VAT1L: variants seen among roughly 807,000 people sequenced by gnomAD.
VAT1L encodes putative NADPH-dependent quinone oxidoreductase VAT1L.
Under a neutral mutation model 44.1 loss-of-function variants are expected in VAT1L, and 34 were observed. That is an observed-to-expected ratio of 0.77 (90% confidence interval 0.59 to 1.03). The LOEUF (loss-of-function observed/expected upper bound fraction) is 1.03, where lower values mean the gene tolerates loss of function less well. VAT1L is among the 50% of genes least tolerant of loss of function. The probability of loss-of-function intolerance (pLI) is 0.00; values close to 1 mark genes in which losing one functional copy is unlikely to be tolerated. For synonymous variants in VAT1L, 253 were observed against 202.2 expected, an observed-to-expected ratio of 1.25 and a Z score of -2.13; for missense variants, 615 against 538.8, an observed-to-expected ratio of 1.14 and a Z score of -1.40.
At chr16:77,794,322 C>A (rs538563304) in intron 1 of VAT1L, among the ~76,000 whole-genome samples, 1 of 152,170 alleles carries the variant, frequency 6.6e-6, no homozygotes, top group South Asian at 2.1e-4. Context: ...GTTTATGCAC[C>A]ACATCCATTT....
intron 7 of VAT1L, among the ~76,000 whole-genome samples, chr16:77,970,051 TAAA>T (rs36120858): frequency 0.017 from 1,506 of 86,792 alleles, 39 homozygotes; most frequent in African/African-American, 0.065. Context: ...ACATCTCTAC[TAAA>T]AAAAAAAAAA....
At chr16:77,793,510 G>A (rs953031847) in intron 1 of VAT1L, among the ~76,000 whole-genome samples, 2 of 152,210 alleles carry the variant, frequency 1.3e-5, no homozygotes, top group African/African-American at 4.8e-5. Flanking sequence ...TCACAGTTGA[G>A]TGTCTCTTAG....
intron 7 of VAT1L, among the ~76,000 whole-genome samples, chr16:77,923,615 C>T (rs2017635377): frequency 6.6e-6 from 1 of 152,148 alleles, no homozygotes; most frequent in South Asian, 2.1e-4. Flanking sequence ...TTTTCAGAAG[C>T]CAGCCTCCTG....
chr16:77,953,445 C>T (rs2142526434), intron 7 of VAT1L, among the ~76,000 whole-genome samples: 1 of 152,292 alleles, frequency 6.6e-6, no homozygotes, highest in Admixed American at 6.5e-5. Flanking sequence ...TGTATGCAAA[C>T]AATTGTTTAC....
intron 3 of VAT1L, among the ~76,000 whole-genome samples, chr16:77,857,504 A>C (rs2016871057): frequency 6.6e-6 from 1 of 152,140 alleles, no homozygotes; most frequent in Admixed American, 6.5e-5. Context: ...GATGGAGAAC[A>C]GAAAGGCCGC....
In VAT1L at chr16:77,968,106, C is replaced by G. The variant is rs561540098; in HGVS notation, c.1078-3744C>G. 9.2e-5 allele frequency among the ~76,000 whole-genome samples: 14 copies of G among 152,236 alleles called. No homozygotes were observed. The East Asian group carries it at 2.7e-3, about 29-fold the overall frequency. On this transcript the variant is annotated intron_variant, in intron 7 of 8. Coordinates refer to ENST00000302536, the MANE Select transcript of VAT1L (RefSeq NM_020927.3). Reference sequence around the variant, plus strand: ...ATATATTATCTATTATTGCATTTAACTCCCCCACCCCCAACAAACTTAGAG... The same window carrying G: ...ATATATTATCTATTATTGCATTTAAGTCCCCCACCCCCAACAAACTTAGAG...
At chr16:77,827,754 G>A (rs1029507745) in intron 3 of VAT1L, among the ~76,000 whole-genome samples, 1 of 152,136 alleles carries the variant, frequency 6.6e-6, no homozygotes, top group South Asian at 2.1e-4. Context: ...ACTAACACTG[G>A]TTTTGGGGAC....
chr16:77,942,572 G>A (rs549617535), intron 7 of VAT1L, among the ~76,000 whole-genome samples: 1 of 152,288 alleles, frequency 6.6e-6, no homozygotes, highest in East Asian at 1.9e-4. Flanking sequence ...TGCCTTTGGA[G>A]AAACAGAAAT....
chr16:77,915,505 G>T lies in VAT1L; in HGVS notation c.1077+30703G>T, dbSNP rs971329545. On this transcript the variant is annotated intron_variant, in intron 7 of 8. Transcript: ENST00000302536. ...GCAGTATATGACATTGTTTAGTGTA[G>T]GGAAATGTCACAGAAGGCCTGTGAG... 2.0e-5 allele frequency among the ~76,000 whole-genome samples: 3 copies of T among 152,222 alleles called. No homozygotes were observed. The South Asian group carries it at 6.2e-4, about 31-fold the overall frequency.
chr16:77,960,675 T>C (rs948138880), intron 7 of VAT1L, among the ~76,000 whole-genome samples: 1 of 152,090 alleles, frequency 6.6e-6, no homozygotes, highest in Non-Finnish European at 1.5e-5. Flanking sequence ...GTAGATATAG[T>C]CCATGGGGGA....
intron 7 of VAT1L, among the ~76,000 whole-genome samples, chr16:77,931,512 T>C (rs2017730746): frequency 6.6e-6 from 1 of 152,236 alleles, no homozygotes; most frequent in Non-Finnish European, 1.5e-5. Flanking sequence ...TGTGGTGAAA[T>C]ACTATATTTT....
At chr16:77,791,182 A>G (rs1437663882) in intron 1 of VAT1L, among the ~76,000 whole-genome samples, 3 of 152,214 alleles carry the variant, frequency 2.0e-5, no homozygotes, top group Admixed American at 6.5e-5. Context: ...ATCATTGATT[A>G]TAAGTTTTAG....
intron 7 of VAT1L, among the ~76,000 whole-genome samples, chr16:77,952,686 G>T (rs1052819992): frequency 6.6e-6 from 1 of 151,774 alleles, no homozygotes; most frequent in Non-Finnish European, 1.5e-5. Context: ...GCAAAACCCT[G>T]TATCTATTAA....
chr16:77,941,990 A>G (rs1270660868), intron 7 of VAT1L, among the ~76,000 whole-genome samples: 1 of 152,060 alleles, frequency 6.6e-6, no homozygotes, highest in Non-Finnish European at 1.5e-5. Flanking sequence ...TTATTTTTTT[A>G]CTTTTTAATA....
intron 7 of VAT1L, among the ~76,000 whole-genome samples, chr16:77,933,912 T>C (rs1419934933): frequency 2.0e-5 from 3 of 152,186 alleles, no homozygotes; most frequent in Non-Finnish European, 4.4e-5. Flanking sequence ...ATCGGGAATC[T>C]GGAAAATTTC....
intron 4 of VAT1L, among the ~76,000 whole-genome samples, chr16:77,876,144 C>T (rs542718937): frequency 6.6e-6 from 1 of 152,200 alleles, no homozygotes; most frequent in Non-Finnish European, 1.5e-5. Flanking sequence ...TTCCCAGTGG[C>T]AGCTACCACC....
chr16:77,898,704 C>T (rs768815597), intron 7 of VAT1L, among the ~76,000 whole-genome samples: 1 of 152,200 alleles, frequency 6.6e-6, no homozygotes, highest in Non-Finnish European at 1.5e-5. Context: ...GCCTTTCCAT[C>T]ACCTTGCAGT....
intron 7 of VAT1L, among the ~76,000 whole-genome samples, chr16:77,940,452 T>C (rs1207525135): frequency 6.6e-6 from 1 of 150,662 alleles, no homozygotes; most frequent in East Asian, 2.0e-4. Context: ...CAAGCGATTC[T>C]CCTGCCTCAG....
At chr16:77,912,836 G>C (rs953764308) in intron 7 of VAT1L, among the ~76,000 whole-genome samples, 1 of 152,134 alleles carries the variant, frequency 6.6e-6, no homozygotes, top group Admixed American at 6.5e-5. Context: ...TTTTGTGCTT[G>C]GTGAGGGCTC....
Sources: gnomAD v4.1 joint callset for allele counts (sites outside exome capture counted in the v4.1 genomes callset) on GRCh38, gnomAD v4.1.1 for gene constraint, MANE v1.5 for transcripts, NCBI Gene and HGNC (gene_info 2026-07-23, HGNC 2026-07-21) for gene names.